The following ATG2B variants were observed in gnomAD, a reference collection of about 807,000 sequenced individuals.
The protein encoded by ATG2B is autophagy related 2B, also known as autophagy-related protein 2 homolog B.
In ATG2B, 121 loss-of-function variants were observed where a neutral mutation model predicts 241.3. The observed-to-expected ratio is 0.50, with a 90% CI of 0.43 to 0.58. The LOEUF (loss-of-function observed/expected upper bound fraction) is 0.58, where lower values mean the gene tolerates loss of function less well. Among genes scored for constraint, ATG2B ranks in the 20% least tolerant of loss-of-function variants. The pLI is 0.00. For synonymous variants in ATG2B, 858 were observed against 876.6 expected (o/e 0.98, Z 0.37); for missense variants, 2,306 against 2,491.6 (o/e 0.93, Z 1.59).
In ATG2B at chr14:96,291,648, T is replaced by C. The variant is rs143473070; in HGVS notation, c.5531A>G (p.Gln1844Arg). Residue 1844 changes from glutamine to arginine, a missense_variant, in exon 38 of 42, where the codon CAG (glutamine) becomes CGG (arginine). Around this residue, in one of 2 missense-constraint regions of ATG2B, gnomAD observed 379 missense variants for 480.4 expected, o/e 0.79. Transcript: ENST00000359933. ...GAGCTTTAGTTCAGAGCAGTTTAAC[T>C]GAGCCAGACCAATCAAAATCCCAGC... The part of the protein sequence containing the change: ...TLAGILIGLA[Q>R]LNCSELKLKR... 2.9e-5 allele frequency: 46 copies of C among 1,609,102 alleles called. No individual in the cohort carries two copies. Among genetic ancestry groups the C allele is most frequent in the Non-Finnish European group, 3.8e-5 (45 of 1,176,860 alleles).
At position 96,315,527 on chromosome 14, in the gene ATG2B, G is replaced by C. The variant is rs1340030390; in HGVS notation, c.3418C>G (p.Pro1140Ala). ...TAAATAGTAGGTTCCAACCAGTGTG[G>C]GCGGGTTGAGCTGGGAAGTCGTGTT... ...TETRLPSSTR[P>A]HWLEPTIYSS... Residue 1140 changes from proline to alanine, a missense_variant, in exon 22 of 42, where the codon CCA becomes GCA. Pro to Ala is a conservative substitution (Grantham distance 27, BLOSUM62 -1). This residue lies in a region of ATG2B where 1,927 missense variants were observed against 2,011.2 expected (regional missense o/e 0.96). Transcript: ENST00000359933. 6.2e-7 allele frequency: 1 copy of C among 1,614,154 alleles called. No individual in the cohort carries two copies. The highest frequency in any genetic ancestry group is 1.1e-5 in the South Asian group (1 of 91,084).
At chr14:96,302,474 C>T (rs1280499) in intron 33 of ATG2B, among the ~76,000 whole-genome samples, 31,911 of 152,038 alleles carry the variant, frequency 0.21, 4,164 homozygotes, top group Non-Finnish European at 0.28. Context: ...GTCCCAGCTA[C>T]TCAGGAGGTT....
In ATG2B at chr14:96,285,904, C is replaced by T. The variant is rs1255183590; in HGVS notation, c.6088G>A (p.Glu2030Lys). The change falls in exon 42 of 42, where the codon GAG becomes AAG. Residue 2030 changes from glutamate (E) to lysine (K), a missense_variant. Glu to Lys is a moderately conservative substitution (Grantham distance 56, BLOSUM62 1). Transcript: ENST00000359933. The surrounding 1 kb of genome is among the most constrained non-coding windows in gnomAD (Gnocchi z 4.2). ...ESRGVTGAVG[E>K]VLRQIPPAVV... The stretch of plus-strand genomic sequence containing the variant: ...GCCGGAGGAATCTGGCGCAGAACCT[C>T]GCCCACGGCACCAGTCACCCCTCTG... 3.1e-6 allele frequency: 5 copies of T among 1,614,066 alleles called. No homozygotes were observed. Among genetic ancestry groups the T allele is most frequent in the Non-Finnish European group, 4.2e-6 (5 of 1,180,034 alleles).
intron 15 of ATG2B, 80 bp from the exon 16 acceptor site, chr14:96,324,078 A>C (rs746307886): frequency 2.0e-5 from 18 of 904,966 alleles, no homozygotes; most frequent in South Asian, 1.9e-4. Context: ...AGATCCTCTC[A>C]ATCAGGAACA....
At chr14:96,330,501 C>T (rs1005391751) in intron 11 of ATG2B, among the ~76,000 whole-genome samples, 6 of 151,484 alleles carry the variant, frequency 4.0e-5, no homozygotes, top group South Asian at 4.2e-4. Context: ...TGGTGGCTCA[C>T]GCCTGTAATC....
At chr14:96,329,703 A>G (rs563325258) in intron 11 of ATG2B, 69 bp from the exon 12 acceptor site, 2 of 1,008,178 alleles carry the variant, frequency 2.0e-6, no homozygotes, top group Admixed American at 4.7e-5. Context: ...CTAGTCTGAC[A>G]AGTTCAAGTT....
chr14:96,325,079 A>T (rs1411232095), intron 15 of ATG2B, among the ~76,000 whole-genome samples: 1 of 152,200 alleles, frequency 6.6e-6, no homozygotes, highest in Admixed American at 6.5e-5. Flanking sequence ...CGAGTTTTAC[A>T]AATAAAAGTC....
rs61736675 is a variant in ATG2B at position 96,328,692 on chromosome 14, A to G, written c.1956T>C (p.Ser652=). 26,910 of 1,609,616 alleles carry G rather than the reference A, an allele frequency of 0.017. 289 individuals are homozygous for G. Among genetic ancestry groups the G allele is most frequent in the Non-Finnish European group, 0.02 (23,622 of 1,178,478 alleles). ...CTCTTACCTGGGGCCCTCTATTCTC[A>G]GAATGCTTATAATGAAGCTGAAGAC... ...PVCLQLHYKH[S]ENRGPQGNQA... Residue 652 remains serine (S), a synonymous_variant, in exon 13 of 42, where the codon TCT becomes TCC. Coordinates refer to ENST00000359933, the MANE Select transcript of ATG2B (RefSeq NM_018036.7).
intron 35 of ATG2B, 24 bp from the exon 36 acceptor site, chr14:96,295,191 G>C (rs751537341): frequency 8.1e-5 from 127 of 1,571,628 alleles, no homozygotes; most frequent in Non-Finnish European, 9.6e-5. Flanking sequence ...GTGCATGTTT[G>C]AAAAATTAGA....
chr14:96,340,585 T>A (rs1888007059), intron 6 of ATG2B, among the ~76,000 whole-genome samples: 6 of 151,900 alleles, frequency 3.9e-5, no homozygotes, highest in African/African-American at 1.5e-4. Context: ...AAAAAGAATA[T>A]AAATATACTG....
intron 13 of ATG2B, 40 bp from the exon 14 acceptor site, chr14:96,328,575 T>C: frequency 6.4e-7 from 1 of 1,560,750 alleles, no homozygotes; most frequent in Non-Finnish European, 8.7e-7. Flanking sequence ...ATACAATCAC[T>C]AAAAACTACT....
At chr14:96,330,892 C>A (rs1887713795) in intron 11 of ATG2B, among the ~76,000 whole-genome samples, 1 of 152,240 alleles carries the variant, frequency 6.6e-6, no homozygotes, top group Admixed American at 6.5e-5. Flanking sequence ...TTTTCTTAAG[C>A]AGAAGTTGAA....
chr14:96,307,662 AG>A (rs1886990376), intron 29 of ATG2B, among the ~76,000 whole-genome samples: 1 of 152,000 alleles, frequency 6.6e-6, no homozygotes, highest in African/African-American at 2.4e-5. Context: ...TACATTTAGC[AG>A]AGCCTAAATG....
intron 29 of ATG2B, among the ~76,000 whole-genome samples, chr14:96,309,170 T>C (rs544252309): frequency 7.9e-5 from 12 of 152,328 alleles, no homozygotes; most frequent in African/African-American, 2.9e-4. Flanking sequence ...CATTTATCAA[T>C]CAGTCTAAGT....
chr14:96,310,008 C>T (rs1020632856), intron 28 of ATG2B, among the ~76,000 whole-genome samples: 3 of 152,250 alleles, frequency 2.0e-5, no homozygotes, highest in Middle Eastern at 6.8e-3. Context: ...CACCTAACAA[C>T]AGTAGGGGGC....
At chr14:96,351,659 C>G (rs1888324525) in intron 1 of ATG2B, among the ~76,000 whole-genome samples, 1 of 151,844 alleles carries the variant, frequency 6.6e-6, no homozygotes, top group Non-Finnish European at 1.5e-5. Flanking sequence ...TCACTTGAAC[C>G]CGGGAGGCGG....
intron 1 of ATG2B, among the ~76,000 whole-genome samples, chr14:96,348,963 C>T (rs1416247781): frequency 2.0e-5 from 3 of 152,098 alleles, no homozygotes; most frequent in Admixed American, 6.5e-5. Flanking sequence ...AAGATGATCT[C>T]GGTCCTCACT....
In ATG2B at chr14:96,341,054, A is replaced by C. The variant is rs545292041; in HGVS notation, c.924+468T>G. The stretch of plus-strand genomic sequence containing the variant: ...CACAAATATTATACAACTATATAAA[A>C]ATGGTCATTCTGTTCAAAATAGATG... On this transcript the variant is annotated intron_variant, in intron 6 of 41. Coordinates refer to ENST00000359933, the MANE Select transcript of ATG2B (RefSeq NM_018036.7). 2.0e-5 allele frequency among the ~76,000 whole-genome samples: 3 copies of C among 152,320 alleles called. No homozygotes were observed. The East Asian group carries it at 5.8e-4, about 29-fold the overall frequency.
intron 14 of ATG2B, among the ~76,000 whole-genome samples, chr14:96,327,774 T>A (rs1432544047): frequency 6.6e-6 from 1 of 152,176 alleles, no homozygotes; most frequent in Non-Finnish European, 1.5e-5. Context: ...TTTCATTTAA[T>A]CCTTGATGAG....
Sources: allele counts gnomAD v4.1 joint callset (sites outside exome capture counted in the v4.1 genomes callset), GRCh38; gene constraint gnomAD v4.1.1; regional missense constraint gnomAD v4.1.1; non-coding constraint Gnocchi (gnomAD v3.1); transcripts MANE v1.5; gene names NCBI Gene and HGNC (gene_info 2026-07-23, HGNC 2026-07-21).